The following ERG variants were observed in gnomAD, a reference collection of about 807,000 sequenced individuals.
The protein encoded by ERG is ETS transcription factor ERG.
In ERG, 9 loss-of-function variants were observed where a neutral mutation model predicts 55.3. That is an observed-to-expected ratio of 0.16 (90% CI 0.10 to 0.28). ERG has a LOEUF of 0.28. Among genes scored for constraint, ERG ranks in the 10% least tolerant of loss-of-function variants. The pLI, the probability that ERG is intolerant of heterozygous loss-of-function variation, is 1.00. For missense variants in ERG, 434 were observed against 631.6 expected (o/e 0.69, Z 3.35); for synonymous variants, 223 against 237.3 (o/e 0.94, Z 0.55).
At chr21:38,602,089 C>T (rs1484600508) in intron 1 of ERG, among the ~76,000 whole-genome samples, 1 of 152,172 alleles carries the variant, frequency 6.6e-6, no homozygotes, top group Non-Finnish European at 1.5e-5. Flanking sequence ...ACTCCTGCTT[C>T]TCTAATGCAT....
chr21:38,586,760 A>C (rs766476817), upstream of ERG, among the ~76,000 whole-genome samples: 2 of 152,238 alleles, frequency 1.3e-5, no homozygotes, highest in Non-Finnish European at 2.9e-5. Flanking sequence ...ATACTACATG[A>C]TTGCTGGCAA....
At chr21:38,517,277 C>CT (rs1035145989) in intron 2 of ERG, among the ~76,000 whole-genome samples, 11 of 151,546 alleles carry the variant, frequency 7.3e-5, no homozygotes, top group African/African-American at 2.7e-4. Context: ...AAAAAGAAAA[C>CT]TTTTACAAAG....
intron 1 of ERG, among the ~76,000 whole-genome samples, chr21:38,478,876 G>A (rs2059212417): frequency 6.6e-6 from 1 of 152,164 alleles, no homozygotes; most frequent in Admixed American, 6.5e-5. Context: ...AATCACCACT[G>A]TCATCCATTA....
chr21:38,593,688 T>C (rs991309339), intron 1 of ERG, among the ~76,000 whole-genome samples: 6 of 152,158 alleles, frequency 3.9e-5, no homozygotes, highest in South Asian at 2.1e-4. Flanking sequence ...AAATACCCAA[T>C]TGGCAATTAG....
intron 2 of ERG, among the ~76,000 whole-genome samples, chr21:38,425,265 A>G (rs1488660132): frequency 1.3e-5 from 2 of 152,010 alleles, no homozygotes; most frequent in African/African-American, 4.8e-5. Flanking sequence ...CATGCCTTTA[A>G]TCTCAGCTAC....
At chr21:38,587,323 C>T (rs1009734761), upstream of ERG, among the ~76,000 whole-genome samples, 3 of 151,554 alleles carry the variant, frequency 2.0e-5, no homozygotes, top group Admixed American at 6.6e-5. Flanking sequence ...GGGAGGGGGA[C>T]GGTGCAGTAG....
At chr21:38,421,627 G>A (rs1254676032) in intron 3 of ERG, among the ~76,000 whole-genome samples, 1 of 152,164 alleles carries the variant, frequency 6.6e-6, no homozygotes, top group African/African-American at 2.4e-5. Flanking sequence ...GGAGAATTGA[G>A]TTTGTGCAGA....
intron 1 of ERG, among the ~76,000 whole-genome samples, chr21:38,635,612 A>C (rs2060383387): frequency 6.6e-6 from 1 of 152,166 alleles, no homozygotes; most frequent in African/African-American, 2.4e-5. Context: ...AAATCCAAAA[A>C]CTGTTACAAA....
intron 2 of ERG, among the ~76,000 whole-genome samples, chr21:38,509,806 T>A (rs1378099532): frequency 6.6e-6 from 1 of 152,306 alleles, no homozygotes; most frequent in Non-Finnish European, 1.5e-5. Context: ...TGGGGATTCA[T>A]TACCTTGAGT....
chr21:38,384,834 G>GA (rs768892765), intron 9 of ERG, among the ~76,000 whole-genome samples: 6,371 of 126,288 alleles, frequency 0.05, 200 homozygotes, highest in African/African-American at 0.1. Context: ...GGAAGTTTAG[G>GA]AAAAAAAAAA....
chr21:38,661,636 C>T (rs2060557451), intron 1 of ERG: 1 of 152,418 alleles, frequency 6.6e-6, no homozygotes, highest in Non-Finnish European at 1.5e-5. Context: ...TACGCGAATT[C>T]CGACCGCAAA....
In ERG at chr21:38,380,521, A is replaced by C. The variant is rs150081573; in HGVS notation, c.*2882T>G. 1,263 of 1,065,786 alleles carry C rather than the reference A, an allele frequency of 1.2e-3. 13 individuals carry two copies. The African/African-American group carries it at 0.018, about 15-fold the overall frequency. 66.0% of individuals were successfully genotyped at this position (1,065,786 alleles called of 1,614,324 possible). A position where few individuals can be genotyped will look rare whatever the true frequency, so the allele number is the denominator to read the frequency against. ...CTTGCCAGCAGGAGTAAGATTGTACAGGAGTCTGAGTATACATCAGGGCAA... is the reference window on the plus strand; with the variant it reads ...CTTGCCAGCAGGAGTAAGATTGTACCGGAGTCTGAGTATACATCAGGGCAA... On this transcript the variant is annotated 3_prime_UTR_variant, in exon 10 of 10. Transcript: ENST00000288319.
intron 1 of ERG, among the ~76,000 whole-genome samples, chr21:38,638,334 T>C (rs140489324): frequency 1.8e-3 from 281 of 152,350 alleles, no homozygotes; most frequent in African/African-American, 5.2e-3. Flanking sequence ...GTGAGCTTCA[T>C]CATGATCATC....
At position 38,413,439 on chromosome 21, in the gene ERG, T is replaced by C. The variant is rs554872381; in HGVS notation, c.389-9730A>G. On this transcript the variant is annotated intron_variant, in intron 3 of 9. Coordinates refer to ENST00000288319, the MANE Select transcript of ERG (RefSeq NM_182918.4). ...CATCATCCTAACTCATGTTATGCTT[T>C]ACTTCATTCATTTATTAATTAATCA... Among the ~76,000 whole-genome samples, 17 of 152,312 alleles carry C rather than the reference T, an allele frequency of 1.1e-4. 1 individual carries two copies. The South Asian group carries it at 3.5e-3, about 32-fold the overall frequency.
chr21:38,614,106 G>C (rs1342587526), intron 1 of ERG, among the ~76,000 whole-genome samples: 1 of 152,168 alleles, frequency 6.6e-6, no homozygotes, highest in Non-Finnish European at 1.5e-5. Context: ...GCAATGGAAG[G>C]GCACCAGCTA....
chr21:38,630,314 C>A (rs1263112553), intron 1 of ERG, among the ~76,000 whole-genome samples: 2 of 152,020 alleles, frequency 1.3e-5, no homozygotes, highest in African/African-American at 2.4e-5. Context: ...GTGGCTTAAA[C>A]CATAGGAAAA....
At chr21:38,454,873 G>C (rs1415084757) in intron 1 of ERG, among the ~76,000 whole-genome samples, 1 of 152,278 alleles carries the variant, frequency 6.6e-6, no homozygotes, top group Non-Finnish European at 1.5e-5. Flanking sequence ...TACTTCAAGA[G>C]CACGTCTGTC....
At chr21:38,432,138 A>G (rs1285886127) in intron 2 of ERG, among the ~76,000 whole-genome samples, 1 of 152,234 alleles carries the variant, frequency 6.6e-6, no homozygotes, top group East Asian at 1.9e-4. Flanking sequence ...TCTGTCACCC[A>G]GGCTGGAGTA....
At chr21:38,590,298 G>T (rs1287881211) in intron 1 of ERG, among the ~76,000 whole-genome samples, 1 of 152,166 alleles carries the variant, frequency 6.6e-6, no homozygotes, top group Non-Finnish European at 1.5e-5. Context: ...CAGTTGATGG[G>T]CACTTAGCAT....
Sources: allele counts gnomAD v4.1 joint callset (sites outside exome capture counted in the v4.1 genomes callset), GRCh38; gene constraint gnomAD v4.1.1; transcripts MANE v1.5; gene names NCBI Gene and HGNC (gene_info 2026-07-23, HGNC 2026-07-21).